The following MBD5 variants were observed in gnomAD, a reference collection of about 807,000 sequenced individuals.
MBD5 encodes the protein methyl-CpG-binding domain protein 5.
Under a neutral mutation model 117.3 loss-of-function variants are expected in MBD5, and 13 were observed. The ratio of observed to expected loss-of-function variants is 0.11; its 90% confidence interval spans 0.07 to 0.18. The LOEUF is 0.18. MBD5 is among the 10% of genes least tolerant of loss of function. MBD5 has a pLI of 1.00. For missense variants in MBD5, 1,879 were observed against 2,093.8 expected (o/e 0.90, Z 2.00); for synonymous variants, 727 against 766.4 (o/e 0.95, Z 0.85).
intron 4 of MBD5, among the ~76,000 whole-genome samples, chr2:148,354,756 C>T (rs146240626): frequency 0.21 from 32,314 of 152,148 alleles, 4,000 homozygotes; most frequent in East Asian, 0.54. Flanking sequence ...TCCTATTTCT[C>T]CACAGCCTCA....
intron 2 of MBD5, among the ~76,000 whole-genome samples, chr2:148,188,682 CAAAAAA>C (rs34805724): frequency 9.5e-6 from 1 of 104,758 alleles, no homozygotes. Context: ...GACCCTGTCT[CAAAAAA>C]AAAAAAAAAA....
At chr2:148,076,541 A>T (rs1695515370) in intron 1 of MBD5, among the ~76,000 whole-genome samples, 1 of 152,214 alleles carries the variant, frequency 6.6e-6, no homozygotes, top group Non-Finnish European at 1.5e-5. Context: ...GAGGTCTGAC[A>T]TCTGCAATTA....
intron 4 of MBD5, among the ~76,000 whole-genome samples, chr2:148,422,847 C>G (rs1705650526): frequency 6.6e-6 from 1 of 151,906 alleles, no homozygotes; most frequent in Non-Finnish European, 1.5e-5. Context: ...GAATGAAGAT[C>G]AATTTAATGA....
intron 1 of MBD5, among the ~76,000 whole-genome samples, chr2:148,086,347 A>G (rs1029168672): frequency 2.6e-5 from 4 of 152,144 alleles, no homozygotes; most frequent in Non-Finnish European, 4.4e-5. Context: ...CTGAAGAGAC[A>G]ATACAGTCAA....
At chr2:148,049,624 T>A (rs113966753) in intron 1 of MBD5, among the ~76,000 whole-genome samples, 2 of 152,192 alleles carry the variant, frequency 1.3e-5, no homozygotes, top group South Asian at 2.1e-4. Context: ...TTCAGCATAT[T>A]CACATTTTTG....
intron 2 of MBD5, among the ~76,000 whole-genome samples, chr2:148,197,794 G>GT (rs56029734): frequency 0.53 from 54,003 of 101,514 alleles, 13,902 homozygotes; most frequent in Non-Finnish European, 0.57. Flanking sequence ...AGCATCTGAG[G>GT]TTTTTTTTTT....
intron 4 of MBD5, among the ~76,000 whole-genome samples, chr2:148,432,185 T>C (rs1706010281): frequency 1.3e-5 from 2 of 152,156 alleles, no homozygotes; most frequent in Non-Finnish European, 1.5e-5. Context: ...CTGCAAAATG[T>C]CTCTTAATGT....
intron 3 of MBD5, among the ~76,000 whole-genome samples, chr2:148,332,840 T>C (rs1702694433): frequency 6.6e-6 from 1 of 152,230 alleles, no homozygotes; most frequent in South Asian, 2.1e-4. Flanking sequence ...TGCAGGAAAA[T>C]TTTATAAATG....
chr2:148,348,694 G>A (rs541612632), intron 4 of MBD5, among the ~76,000 whole-genome samples: 1 of 152,150 alleles, frequency 6.6e-6, no homozygotes, highest in South Asian at 2.1e-4. Flanking sequence ...TGTGTTAACA[G>A]AAGGGGTTGC....
chr2:148,167,188 G>A (rs1698146629), intron 1 of MBD5, among the ~76,000 whole-genome samples: 1 of 152,016 alleles, frequency 6.6e-6, no homozygotes. Flanking sequence ...AGAATTTTTA[G>A]TCTTTATGCC....
At chr2:148,159,395 A>T (rs1697952465) in intron 1 of MBD5, among the ~76,000 whole-genome samples, 1 of 152,028 alleles carries the variant, frequency 6.6e-6, no homozygotes, top group African/African-American at 2.4e-5. Flanking sequence ...GGCTCACTAC[A>T]ACCTCCACCT....
At chr2:148,380,406 A>C (rs1290281139) in intron 4 of MBD5, among the ~76,000 whole-genome samples, 1 of 152,208 alleles carries the variant, frequency 6.6e-6, no homozygotes, top group Admixed American at 6.5e-5. Context: ...ATTTCAAAGA[A>C]TTGTTGTCTC....
At chr2:148,079,089 C>A (rs1381655085) in intron 1 of MBD5, among the ~76,000 whole-genome samples, 3 of 152,306 alleles carry the variant, frequency 2.0e-5, no homozygotes, top group Middle Eastern at 3.4e-3. Flanking sequence ...TGACTGTCCA[C>A]TGAAATGTAT....
chr2:148,358,865 A>G (rs1273131407), intron 4 of MBD5, among the ~76,000 whole-genome samples: 3 of 152,078 alleles, frequency 2.0e-5, no homozygotes, highest in Non-Finnish European at 4.4e-5. Flanking sequence ...AAATAATCTA[A>G]TCTCTACCTA....
At chr2:148,306,559 G>A (rs80225343) in intron 3 of MBD5, among the ~76,000 whole-genome samples, 18,183 of 152,048 alleles carry the variant, frequency 0.12, 1,442 homozygotes, top group Non-Finnish European at 0.18. Context: ...TAAATGTTTC[G>A]TTTTGTTTAC....
At chr2:148,393,775 C>T (rs1412474276) in intron 4 of MBD5, among the ~76,000 whole-genome samples, 1 of 152,126 alleles carries the variant, frequency 6.6e-6, no homozygotes, top group Non-Finnish European at 1.5e-5. Flanking sequence ...GCACAGCCTC[C>T]TTTCAGATGA....
intron 1 of MBD5, among the ~76,000 whole-genome samples, chr2:148,029,753 C>T (rs551554023): frequency 9.2e-5 from 14 of 152,002 alleles, no homozygotes; most frequent in East Asian, 5.8e-4. Flanking sequence ...TCTTTTTTTA[C>T]GAAACCAAAT....
intron 3 of MBD5, among the ~76,000 whole-genome samples, chr2:148,243,032 T>G (rs1052962855): frequency 6.6e-6 from 1 of 152,168 alleles, no homozygotes; most frequent in Non-Finnish European, 1.5e-5. Context: ...CCATTCACAT[T>G]TATGCCTTTT....
At chr2:148,287,096 A>G (rs1303781689) in intron 3 of MBD5, among the ~76,000 whole-genome samples, 3 of 152,172 alleles carry the variant, frequency 2.0e-5, no homozygotes, top group Admixed American at 6.5e-5. Context: ...GGTGTCTCCA[A>G]TCATTAATGT....
Sources: allele counts gnomAD v4.1 joint callset (sites outside exome capture counted in the v4.1 genomes callset), GRCh38; gene constraint gnomAD v4.1.1; transcripts MANE v1.5; gene names NCBI Gene and HGNC (gene_info 2026-07-23, HGNC 2026-07-21).